SNTG2: variants seen among roughly 807,000 people sequenced by gnomAD.
SNTG2 encodes gamma-2-syntrophin.
A neutral mutation model predicts 70.9 loss-of-function variants in SNTG2; 74 were observed. That is an observed-to-expected ratio of 1.04 (90% CI 0.86 to 1.27). The LOEUF (loss-of-function observed/expected upper bound fraction) is 1.27. Ranked by LOEUF, SNTG2 falls within the 50% of genes most tolerant of loss-of-function variation. SNTG2 has a pLI of 0.00. For missense variants in SNTG2, 717 were observed against 690.7 expected (o/e 1.04, Z -0.43); for synonymous variants, 278 against 273.8 (o/e 1.02, Z -0.15).
At position 1,158,013 on chromosome 2, in the gene SNTG2, G is replaced by A. The variant is rs182457286; in HGVS notation, c.412-7535G>A. Among the ~76,000 whole-genome samples the A allele has an allele frequency of 2.6e-4, 40 of 152,264 alleles. 1 individual carries two copies. The highest frequency in any genetic ancestry group is 1.2e-3 in the Admixed American group (18 of 15,302). On this transcript the variant is annotated intron_variant, in intron 6 of 16. Coordinates refer to ENST00000308624, the MANE Select transcript of SNTG2 (RefSeq NM_018968.4). ...GGCCGGCCGGCAGGTTTGGTACGGG[G>A]CATCCTGTAGACATGCCTAGCAGCA...
chr2:1,036,448 A>G (rs1661134242), intron 1 of SNTG2, among the ~76,000 whole-genome samples: 1 of 152,140 alleles, frequency 6.6e-6, no homozygotes, highest in Admixed American at 6.5e-5. Context: ...AAGATCTCAT[A>G]TTGTTTTAAA....
intron 9 of SNTG2, among the ~76,000 whole-genome samples, chr2:1,235,452 A>C (rs59952290): frequency 3.6e-5 from 2 of 55,394 alleles, no homozygotes; most frequent in African/African-American, 2.2e-4. Flanking sequence ...GGGCGCCCCT[A>C]CCCCATGCTG....
chr2:1,306,259 G>T (rs9752291), intron 14 of SNTG2, among the ~76,000 whole-genome samples: 1 of 151,910 alleles, frequency 6.6e-6, no homozygotes, highest in African/African-American at 2.4e-5. Context: ...TGTGTGTGGC[G>T]TTGGCTGGAT....
intron 1 of SNTG2, among the ~76,000 whole-genome samples, chr2:1,010,456 T>G (rs988321575): frequency 1.3e-5 from 2 of 152,236 alleles, no homozygotes; most frequent in South Asian, 4.1e-4. Flanking sequence ...TCTGAATGAA[T>G]CTGTCCCTCT....
intron 1 of SNTG2, among the ~76,000 whole-genome samples, chr2:1,048,214 A>G (rs1186455076): frequency 6.6e-6 from 1 of 152,154 alleles, no homozygotes; most frequent in Admixed American, 6.5e-5. Context: ...TATTTTAGTC[A>G]GTGTTTTACT....
chr2:1,084,842 G>A (rs374963054), intron 2 of SNTG2, among the ~76,000 whole-genome samples: 2 of 152,170 alleles, frequency 1.3e-5, no homozygotes, highest in Non-Finnish European at 2.9e-5. Context: ...GGAGGAGGAA[G>A]GGGTGAGATC....
chr2:1,201,456 G>C (rs1673271431), intron 8 of SNTG2, among the ~76,000 whole-genome samples: 1 of 151,642 alleles, frequency 6.6e-6, no homozygotes, highest in Admixed American at 6.6e-5. Context: ...AGATAGAAGG[G>C]ATAAGTTCTA....
intron 16 of SNTG2, among the ~76,000 whole-genome samples, chr2:1,350,190 T>C (rs1660503886): frequency 1.3e-5 from 2 of 152,104 alleles, no homozygotes; most frequent in South Asian, 2.1e-4. Flanking sequence ...TATGGTTTTT[T>C]AATGTGTGGT....
At chr2:1,233,586 C>T (rs28617388) in intron 9 of SNTG2, among the ~76,000 whole-genome samples, 3 of 151,982 alleles carry the variant, frequency 2.0e-5, no homozygotes, top group Non-Finnish European at 2.9e-5. Flanking sequence ...GCAGGAAGAA[C>T]GGCTTAAACA....
chr2:1,102,269 A>G (rs1196620169), intron 4 of SNTG2, among the ~76,000 whole-genome samples: 3 of 152,188 alleles, frequency 2.0e-5, no homozygotes, highest in African/African-American at 7.2e-5. Flanking sequence ...TTGGTTTAAA[A>G]TTAGTGTGAT....
At chr2:1,008,799 T>A (rs956720745) in intron 1 of SNTG2, among the ~76,000 whole-genome samples, 1 of 152,200 alleles carries the variant, frequency 6.6e-6, no homozygotes, top group African/African-American at 2.4e-5. Context: ...AGTTTATAAG[T>A]TACATATATT....
At chr2:1,294,946 G>A (rs1441083291) in intron 14 of SNTG2, among the ~76,000 whole-genome samples, 1 of 152,212 alleles carries the variant, frequency 6.6e-6, no homozygotes, top group Non-Finnish European at 1.5e-5. Flanking sequence ...GAAGTAGACA[G>A]TGTGGCTCGT....
chr2:1,293,300 A>G (rs1680065668), intron 14 of SNTG2, among the ~76,000 whole-genome samples: 1 of 152,156 alleles, frequency 6.6e-6, no homozygotes, highest in Non-Finnish European at 1.5e-5. Flanking sequence ...TTTTTGAAGA[A>G]TCAAGTTTTG....
intron 7 of SNTG2, among the ~76,000 whole-genome samples, chr2:1,171,475 A>T (rs1329466382): frequency 1.3e-5 from 2 of 152,220 alleles, no homozygotes; most frequent in Non-Finnish European, 2.9e-5. Flanking sequence ...AATAACAGGC[A>T]TTGGGAAAGA....
At chr2:993,489 C>G (rs1284532559) in intron 1 of SNTG2, among the ~76,000 whole-genome samples, 1 of 151,896 alleles carries the variant, frequency 6.6e-6, no homozygotes, top group Non-Finnish European at 1.5e-5. Flanking sequence ...TTGAATGGAC[C>G]TGGTTTTCAA....
intron 8 of SNTG2, among the ~76,000 whole-genome samples, chr2:1,207,247 G>A (rs1673690260): frequency 6.6e-6 from 1 of 152,212 alleles, no homozygotes; most frequent in African/African-American, 2.4e-5. Flanking sequence ...CTTACCAGAA[G>A]TTAGAGCCCA....
intron 4 of SNTG2, among the ~76,000 whole-genome samples, chr2:1,127,250 T>TA (rs561849294): frequency 0.013 from 1,966 of 148,546 alleles, 22 homozygotes; most frequent in Non-Finnish European, 0.018. Context: ...GGTGCCTTTG[T>TA]AAAAAAAAAA....
intron 6 of SNTG2, among the ~76,000 whole-genome samples, chr2:1,159,854 A>C (rs1670156640): frequency 6.6e-6 from 1 of 152,238 alleles, no homozygotes; most frequent in African/African-American, 2.4e-5. Flanking sequence ...CTGATGAAGA[A>C]ATATTAATTA....
intron 14 of SNTG2, among the ~76,000 whole-genome samples, chr2:1,298,119 A>G (rs977436289): frequency 6.6e-6 from 1 of 152,096 alleles, no homozygotes; most frequent in Non-Finnish European, 1.5e-5. Context: ...TATACATTTC[A>G]TTCATTTATT....
Sources: allele counts gnomAD v4.1 joint callset (sites outside exome capture counted in the v4.1 genomes callset), GRCh38; gene constraint gnomAD v4.1.1; transcripts MANE v1.5; gene names NCBI Gene and HGNC (gene_info 2026-07-23, HGNC 2026-07-21).